AKAP13: variants seen among roughly 807,000 people sequenced by gnomAD.
AKAP13 encodes the protein A-kinase anchoring protein 13.
A neutral mutation model predicts 264.5 loss-of-function variants in AKAP13; 80 were observed. That is an observed-to-expected ratio of 0.30 (90% CI 0.25 to 0.36). The LOEUF (loss-of-function observed/expected upper bound fraction) is 0.36, where lower values mean the gene tolerates loss of function less well. AKAP13 is among the 10% of genes least tolerant of loss of function. AKAP13 has a pLI of 1.00. For synonymous variants in AKAP13, 1,380 were observed against 1,250.2 expected (o/e 1.10, Z -2.19); for missense variants, 3,712 against 3,435.2 (o/e 1.08, Z -2.01).
rs768128095 is a variant in AKAP13 at position 85,655,741 on chromosome 15, G to A, written c.4699G>A (p.Gly1567Arg). 2 of 1,612,676 alleles carry A rather than the reference G, an allele frequency of 1.2e-6. No individual in the cohort carries two copies. The highest frequency in any genetic ancestry group is 8.5e-7 in the Non-Finnish European group (1 of 1,178,816). The part of the protein sequence containing the change: ...SLSPFRRHSW[G>R]PGKNAASDAE... ...TTCTCCCTTCCGGAGGCACAGCTGG[G>A]GGCCTGGGAAAAATGCAGCCAGCGA... Residue 1567 changes from glycine (G) to arginine (R), a missense_variant, in exon 11 of 37, where the codon GGG becomes AGG. Coordinates refer to ENST00000394518, the MANE Select transcript of AKAP13 (RefSeq NM_007200.5).
chr15:85,676,546 G>C (rs2084240483), intron 14 of AKAP13, among the ~76,000 whole-genome samples: 1 of 152,210 alleles, frequency 6.6e-6, no homozygotes, highest in Admixed American at 6.5e-5. Context: ...GATCTAAACA[G>C]AGATCCGGCT....
chr15:85,520,498 CAAAAAAA>C (rs71468111), intron 2 of AKAP13, among the ~76,000 whole-genome samples: 9 of 71,304 alleles, frequency 1.3e-4, no homozygotes, highest in African/African-American at 2.2e-4. Context: ...AACTCCGTCT[CAAAAAAA>C]AAAAAAAAAA....
At chr15:85,587,353 A>C (rs2079403920) in intron 8 of AKAP13, among the ~76,000 whole-genome samples, 1 of 152,192 alleles carries the variant, frequency 6.6e-6, no homozygotes, top group African/African-American at 2.4e-5. Context: ...TAATATTTTC[A>C]AGTTTCATCC....
At chr15:85,523,889 C>T (rs534846185) in intron 3 of AKAP13, among the ~76,000 whole-genome samples, 3 of 145,352 alleles carry the variant, frequency 2.1e-5, no homozygotes, top group East Asian at 4.2e-4. Context: ...AGAAGGAATA[C>T]GATGATTTTT....
chr15:85,521,012 A>C (rs886703521), intron 2 of AKAP13, among the ~76,000 whole-genome samples: 1 of 152,238 alleles, frequency 6.6e-6, no homozygotes, highest in Non-Finnish European at 1.5e-5. Context: ...GGAACACAGG[A>C]GTTAAGGAGC....
At chr15:85,449,505 C>T (rs530449624) in intron 1 of AKAP13, among the ~76,000 whole-genome samples, 2 of 152,130 alleles carry the variant, frequency 1.3e-5, no homozygotes, top group African/African-American at 2.4e-5. Flanking sequence ...TGTCTTGTAC[C>T]GGTTTTCAAG....
At position 85,739,777 on chromosome 15, in the gene AKAP13, T is replaced by G. The variant is rs1014149397; in HGVS notation, c.7558-445T>G. On this transcript the variant is annotated intron_variant, in intron 33 of 36. Coordinates refer to ENST00000394518, the MANE Select transcript of AKAP13 (RefSeq NM_007200.5). ...CATTTTCAGATATTTGAACCTTTTT[T>G]TGTGTGTGAGCTAAGATCTCAACTC... is the stretch of plus-strand genomic sequence containing the variant. Among the ~76,000 whole-genome samples, 25 of 152,336 alleles carry G rather than the reference T, an allele frequency of 1.6e-4. 1 individual carries two copies. Among genetic ancestry groups the G allele is most frequent in the Admixed American group, 1.2e-3 (19 of 15,298 alleles).
chr15:85,451,578 G>A (rs1055855938), intron 1 of AKAP13, among the ~76,000 whole-genome samples: 30 of 152,190 alleles, frequency 2.0e-4, no homozygotes, highest in African/African-American at 6.3e-4. Context: ...TGGTAATGAA[G>A]TCTCTCGACA....
intron 5 of AKAP13, among the ~76,000 whole-genome samples, chr15:85,544,662 G>A (rs6496082): frequency 0.82 from 124,553 of 152,206 alleles, 51,706 homozygotes; most frequent in Non-Finnish European, 0.87. Context: ...AAACACACTA[G>A]AGCAGCCAAA....
chr15:85,664,067 A>G lies in AKAP13; in HGVS notation c.4800-496A>G, dbSNP rs535980315. ...TTTTCTTGGGTGAAAGCATACCTGT[A>G]AAATTATAAAGGTCAACTTGAATGT... On this transcript the variant is annotated intron_variant, in intron 12 of 36. Transcript: ENST00000394518. Among the ~76,000 whole-genome samples the G allele has an allele frequency of 5.1e-4, 78 of 152,318 alleles. 1 individual carries two copies. Among genetic ancestry groups the G allele is most frequent in the Admixed American group, 1.3e-3 (20 of 15,302 alleles).
intron 1 of AKAP13, among the ~76,000 whole-genome samples, chr15:85,398,260 C>T (rs1392307551): frequency 6.6e-6 from 1 of 152,150 alleles, no homozygotes; most frequent in Non-Finnish European, 1.5e-5. Flanking sequence ...GTCATCAGAT[C>T]GTTTTCATGA....
At chr15:85,613,009 T>C (rs1048950684) in intron 8 of AKAP13, among the ~76,000 whole-genome samples, 1 of 152,218 alleles carries the variant, frequency 6.6e-6, no homozygotes, top group African/African-American at 2.4e-5. Flanking sequence ...TGTACTATTA[T>C]GAAGTAGCTT....
Position 85,727,270 on chromosome 15 carries a change from C to T in AKAP13, c.7004+23C>T, listed in dbSNP as rs780328435. Reference sequence around the variant, plus strand: ...CCTGTAAGTTAACCACCAGGCCCCACCCTTCCCAGCCCTCCTGATGTCTCT... The same window carrying T: ...CCTGTAAGTTAACCACCAGGCCCCATCCTTCCCAGCCCTCCTGATGTCTCT... On this transcript the variant is annotated intron_variant, in intron 28 of 36. Coordinates refer to ENST00000394518, the MANE Select transcript of AKAP13 (RefSeq NM_007200.5). The surrounding 1 kb of genome is among the most constrained non-coding windows in gnomAD (Gnocchi z 5.3). 2.5e-6 allele frequency: 4 copies of T among 1,613,710 alleles called. No homozygotes were observed. Among genetic ancestry groups the T allele is most frequent in the Non-Finnish European group, 3.4e-6 (4 of 1,179,726 alleles).
At chr15:85,714,338 A>T (rs957344046) in intron 19 of AKAP13, among the ~76,000 whole-genome samples, 6 of 152,248 alleles carry the variant, frequency 3.9e-5, no homozygotes, top group Admixed American at 6.5e-5. Flanking sequence ...TTGCTGTCTC[A>T]AGGGTGGCAG....
At chr15:85,405,673 C>T (rs2071627276) in intron 1 of AKAP13, among the ~76,000 whole-genome samples, 2 of 152,174 alleles carry the variant, frequency 1.3e-5, no homozygotes, top group South Asian at 2.1e-4. Context: ...TCCAGAACTT[C>T]GGCCAAAGTC....
chr15:85,694,691 G>A (rs1185131381), intron 17 of AKAP13, among the ~76,000 whole-genome samples: 1 of 152,214 alleles, frequency 6.6e-6, no homozygotes. Flanking sequence ...TATTTGTAGA[G>A]CATACCAGGG....
At chr15:85,645,719 A>T (rs961378770) in intron 9 of AKAP13, 99 bp from the exon 10 acceptor site, 1 of 1,282,280 alleles carries the variant, frequency 7.8e-7, no homozygotes, top group African/African-American at 1.5e-5. Context: ...GAGAGATTTA[A>T]AAGACTGGTT....
At chr15:85,663,385 A>G (rs962576201) in intron 12 of AKAP13, among the ~76,000 whole-genome samples, 3 of 152,080 alleles carry the variant, frequency 2.0e-5, no homozygotes, top group South Asian at 2.1e-4. Context: ...CATGATTTCT[A>G]TTATATTGAA....
At chr15:85,492,084 A>G (rs1470619661) in intron 2 of AKAP13, among the ~76,000 whole-genome samples, 1 of 152,256 alleles carries the variant, frequency 6.6e-6, no homozygotes, top group African/African-American at 2.4e-5. Flanking sequence ...TACCAAGTCC[A>G]CAACTGTTCC....
Sources: allele counts gnomAD v4.1 joint callset (sites outside exome capture counted in the v4.1 genomes callset), GRCh38; gene constraint gnomAD v4.1.1; non-coding constraint Gnocchi (gnomAD v3.1); transcripts MANE v1.5; gene names NCBI Gene and HGNC (gene_info 2026-07-23, HGNC 2026-07-21).